The following ASTN1 variants were observed in gnomAD, a reference collection of about 807,000 sequenced individuals.
ASTN1 encodes astrotactin 1.
In ASTN1, 41 loss-of-function variants were observed where a neutral mutation model predicts 140.7. That is an observed-to-expected ratio of 0.29 (90% CI 0.23 to 0.38). ASTN1 has a LOEUF of 0.38. Among genes scored for constraint, ASTN1 ranks in the 10% least tolerant of loss-of-function variants. The pLI is 1.00. For missense variants in ASTN1, 1,479 were observed against 1,678.8 expected, an observed-to-expected ratio of 0.88 and a Z score of 2.08; for synonymous variants, 640 against 652.2, an observed-to-expected ratio of 0.98 and a Z score of 0.29.
intron 3 of ASTN1, 50 bp downstream of exon 3, chr1:177,032,406 C>T (rs541971241): frequency 6.3e-7 from 1 of 1,581,354 alleles, no homozygotes; most frequent in Non-Finnish European, 8.6e-7. Flanking sequence ...CACTCCCCAG[C>T]TCCTTGAGAT....
In ASTN1 at chr1:176,864,320, G is replaced by T. The variant is rs753049744; in HGVS notation, c.3849C>A (p.Ile1283=). The T allele has an allele frequency of 6.8e-6, 11 of 1,613,982 alleles. No homozygotes were observed. The highest frequency in any genetic ancestry group is 9.3e-6 in the Non-Finnish European group (11 of 1,180,026). The change falls in exon 23 of 23, where the codon ATC becomes ATA. Residue 1283 remains isoleucine (I), a synonymous_variant. Coordinates refer to ENST00000361833, the MANE Select transcript of ASTN1 (RefSeq NM_004319.3). ...RKTCEEQTLS[I]PYNDYGDSKE... Reference sequence around the variant, plus strand: ...TGCTGTCCCCATAGTCGTTGTAGGGGATACTCAGGGTCTGCTCCTCACACG... The same window carrying T: ...TGCTGTCCCCATAGTCGTTGTAGGGTATACTCAGGGTCTGCTCCTCACACG...
intron 8 of ASTN1, among the ~76,000 whole-genome samples, chr1:176,968,230 C>T (rs574887633): frequency 2.0e-5 from 3 of 152,308 alleles, no homozygotes; most frequent in Admixed American, 6.5e-5. Flanking sequence ...TAGAACAGTG[C>T]GTGGCATTTA....
Position 176,936,275 on chromosome 1 carries a change from T to C in ASTN1, c.2473A>G (p.Ile825Val), listed in dbSNP as rs376592536. The stretch of plus-strand genomic sequence containing the variant: ...CTGCAGCAGTGCTCACCCTGAGAGA[T>C]GGCCACTTGGTTGAGTTTGATGTGG... ...MYHIKLNQVA[I>V]SQALSNALHS... The change falls in exon 15 of 23, where the codon ATC becomes GTC. Residue 825 changes from isoleucine to valine, a missense_variant. Physicochemically the swap from Ile to Val is conservative, Grantham distance 29. This residue lies in a region of ASTN1 where 746 missense variants were observed against 800.9 expected (regional missense o/e 0.93). Transcript: ENST00000361833. The C allele has an allele frequency of 5.0e-6, 8 of 1,613,908 alleles. No homozygotes were observed. The highest frequency in any genetic ancestry group is 2.7e-5 in the African/African-American group (2 of 75,060).
intron 1 of ASTN1, among the ~76,000 whole-genome samples, chr1:177,127,417 C>T (rs1681706809): frequency 6.6e-6 from 1 of 152,200 alleles, no homozygotes; most frequent in South Asian, 2.1e-4. Context: ...ACCAGTTTTT[C>T]ACCCATGTCA....
intron 16 of ASTN1, among the ~76,000 whole-genome samples, chr1:176,905,698 C>G (rs1397541956): frequency 6.6e-6 from 1 of 152,092 alleles, no homozygotes; most frequent in Non-Finnish European, 1.5e-5. Flanking sequence ...TCTCTCACCG[C>G]TTAGTCCTCA....
At chr1:177,070,981 G>A (rs1302163375) in intron 1 of ASTN1, among the ~76,000 whole-genome samples, 2 of 152,030 alleles carry the variant, frequency 1.3e-5, no homozygotes, top group Non-Finnish European at 2.9e-5. Flanking sequence ...TCCTAAAATT[G>A]AGCAACAATC....
At chr1:177,043,885 T>A (rs916019336) in intron 2 of ASTN1, among the ~76,000 whole-genome samples, 5 of 152,166 alleles carry the variant, frequency 3.3e-5, no homozygotes, top group African/African-American at 1.2e-4. Context: ...AAGTCTTCTT[T>A]GGGGCCCCAC....
intron 1 of ASTN1, among the ~76,000 whole-genome samples, chr1:177,113,854 C>T (rs1680942627): frequency 1.3e-5 from 2 of 152,256 alleles, no homozygotes; most frequent in Middle Eastern, 3.4e-3. Flanking sequence ...CCCACAGAAA[C>T]CTAAGAGAAA....
At chr1:176,884,242 T>C in intron 19 of ASTN1, 97 bp downstream of exon 19, 1 of 1,419,798 alleles carries the variant, frequency 7.0e-7, no homozygotes, top group Admixed American at 1.8e-5. Context: ...CCTGGGATAC[T>C]GGGGACCTGG....
chr1:176,861,439 A>G lies in ASTN1; in HGVS notation c.*2845T>C. 1.0e-5 allele frequency: 10 copies of G among 985,868 alleles called. No homozygotes were observed. The highest frequency in any genetic ancestry group is 1.2e-5 in the Non-Finnish European group (10 of 829,942). 61.1% of individuals were successfully genotyped at this position (985,868 alleles called of 1,614,324 possible). A position where few individuals can be genotyped will look rare whatever the true frequency, so the allele number is the denominator to read the frequency against. On this transcript the variant is annotated 3_prime_UTR_variant, in exon 23 of 23. Coordinates refer to ENST00000361833, the MANE Select transcript of ASTN1 (RefSeq NM_004319.3). ...GCACCTCCCTTAAGACCTGTTTGGC[A>G]GCTTGAAAACTCAAGGTTGAATACC...
intron 2 of ASTN1, among the ~76,000 whole-genome samples, chr1:177,049,775 T>C (rs940997406): frequency 2.0e-5 from 3 of 152,178 alleles, no homozygotes; most frequent in Admixed American, 2.0e-4. Context: ...AGCAGAGCCC[T>C]GGCTGGGACC....
At chr1:177,014,631 G>T (rs1008838022) in intron 8 of ASTN1, among the ~76,000 whole-genome samples, 160 bp downstream of exon 8, 5 of 152,150 alleles carry the variant, frequency 3.3e-5, no homozygotes, top group African/African-American at 1.2e-4. Context: ...TCACTGGAAT[G>T]GTATAAATAT....
At chr1:177,076,039 G>A (rs546550045) in intron 1 of ASTN1, among the ~76,000 whole-genome samples, 5 of 152,052 alleles carry the variant, frequency 3.3e-5, no homozygotes, top group African/African-American at 1.2e-4. Flanking sequence ...CAGCACTTTG[G>A]GAGGCTGAGG....
chr1:176,949,129 G>A (rs1358323427), intron 12 of ASTN1, 56 bp downstream of exon 12: 1 of 1,600,420 alleles, frequency 6.2e-7, no homozygotes, highest in Non-Finnish European at 8.5e-7. Flanking sequence ...AGCATTGAAA[G>A]TCCTGCGTCC....
chr1:176,868,859 T>C lies in ASTN1; in HGVS notation c.3632A>G (p.Asp1211Gly). Reference protein sequence around the residue: ...SFGEFTWRCEDELGPRKAGLI... With the variant: ...SFGEFTWRCEGELGPRKAGLI... ...TATTGATTACCTGGGACCTAACTCA[T>C]CCTCACATCGCCAGGTGAATTCCCC... is the stretch of plus-strand genomic sequence containing the variant. Residue 1211 changes from aspartate (D) to glycine (G), a missense_variant, in exon 22 of 23, where the codon GAT (aspartate) becomes GGT (glycine). Asp to Gly is a moderately conservative substitution (Grantham distance 94, BLOSUM62 -1). Transcript: ENST00000361833. The C allele has an allele frequency of 6.2e-7, 1 of 1,604,844 alleles. No individual in the cohort carries two copies. Among genetic ancestry groups the C allele is most frequent in the Non-Finnish European group, 8.5e-7 (1 of 1,174,578 alleles).
rs562271956 is a variant in ASTN1 at position 176,919,852 on chromosome 1, A to T, written c.2671+14300T>A. On this transcript the variant is annotated intron_variant, in intron 16 of 22. Transcript: ENST00000361833. ...GCGGAATAAACCTGACTGAAGAAAAACCCCAAGGACAGAGAAGAATGTCAG... is the reference window on the plus strand; with the variant it reads ...GCGGAATAAACCTGACTGAAGAAAATCCCCAAGGACAGAGAAGAATGTCAG... 1.2e-3 allele frequency among the ~76,000 whole-genome samples: 190 copies of T among 152,204 alleles called. 1 individual carries two copies. Among genetic ancestry groups the T allele is most frequent in the African/African-American group, 3.8e-3 (159 of 41,534 alleles).
In ASTN1 at chr1:177,030,818, T is replaced by C. The variant is rs777585445; in HGVS notation, c.1000A>G (p.Asn334Asp). The C allele has an allele frequency of 1.2e-5, 19 of 1,614,028 alleles. No homozygotes were observed. Among genetic ancestry groups the C allele is most frequent in the East Asian group, 4.5e-5 (2 of 44,900 alleles). Residue 334 changes from asparagine (N) to aspartate (D), a missense_variant, in exon 4 of 23, where the codon AAC becomes GAC. Asn to Asp is a conservative substitution (Grantham distance 23). Coordinates refer to ENST00000361833, the MANE Select transcript of ASTN1 (RefSeq NM_004319.3). ...CAGACATGCATACCTCTTGCTTTGT[T>C]GTTGATCCGCTTTCTCTGGCTGCTG... Reference protein sequence around the residue: ...TSSSQRKRINNKARAGSAFLN... With the variant: ...TSSSQRKRINDKARAGSAFLN...
chr1:176,904,910 T>C (rs918777821), intron 16 of ASTN1, among the ~76,000 whole-genome samples: 1 of 152,156 alleles, frequency 6.6e-6, no homozygotes, highest in Non-Finnish European at 1.5e-5. Context: ...TAGTGCTGCT[T>C]TTCTCTATCT....
chr1:177,133,026 C>T (rs1475327540), intron 1 of ASTN1, among the ~76,000 whole-genome samples: 1 of 152,164 alleles, frequency 6.6e-6, no homozygotes, highest in Non-Finnish European at 1.5e-5. Flanking sequence ...GATTCATACA[C>T]TATAATTTTA....
Sources: allele counts gnomAD v4.1 joint callset (sites outside exome capture counted in the v4.1 genomes callset), GRCh38; gene constraint gnomAD v4.1.1; regional missense constraint gnomAD v4.1.1; transcripts MANE v1.5; gene names NCBI Gene and HGNC (gene_info 2026-07-23, HGNC 2026-07-21).